PDE8B: variants seen among roughly 807,000 people sequenced by gnomAD.
PDE8B encodes phosphodiesterase 8B.
In PDE8B, 26 loss-of-function variants were observed where a neutral mutation model predicts 101.3. That is an observed-to-expected ratio of 0.26 (90% CI 0.19 to 0.36). PDE8B has a LOEUF of 0.36. Among genes scored for constraint, PDE8B ranks in the 10% least tolerant of loss-of-function variants. The pLI is 1.00. For missense variants in PDE8B, 810 were observed against 1,163.1 expected (o/e 0.70, Z 4.42); for synonymous variants, 424 against 429.3 (o/e 0.99, Z 0.15).
At chr5:77,350,865 G>C (rs1191220358) in intron 8 of PDE8B, among the ~76,000 whole-genome samples, 200 bp from the exon 9 acceptor site, 2 of 152,208 alleles carry the variant, frequency 1.3e-5, no homozygotes, top group Non-Finnish European at 2.9e-5. Flanking sequence ...CAGACAACCT[G>C]GTGGTGGATA....
At chr5:77,252,434 A>G (rs1010831848) in intron 1 of PDE8B, among the ~76,000 whole-genome samples, 1 of 152,260 alleles carries the variant, frequency 6.6e-6, no homozygotes, top group Admixed American at 6.5e-5. Context: ...AGTGCTTACT[A>G]CATTGATAAC....
the PDE8B span, among the ~76,000 whole-genome samples, chr5:77,151,738 A>T: frequency 2.0e-5 from 3 of 152,318 alleles, no homozygotes; most frequent in African/African-American, 7.2e-5. Flanking sequence ...CAGACAGCTC[A>T]CTTCACCACC....
intron 21 of PDE8B, 160 bp from the exon 22 acceptor site, chr5:77,426,285 G>A (rs1013967445): frequency 6.0e-6 from 4 of 668,204 alleles, no homozygotes; most frequent in Non-Finnish European, 1.1e-5. Flanking sequence ...GGACCTGTTT[G>A]CATTTCAGAA....
chr5:77,325,429 A>G (rs1381065503), intron 2 of PDE8B, 110 bp from the exon 3 acceptor site: 1 of 994,012 alleles, frequency 1.0e-6, no homozygotes, highest in African/African-American at 1.6e-5. Flanking sequence ...TCAGCCTCCC[A>G]AAGAGCTGGG....
intron 10 of PDE8B, among the ~76,000 whole-genome samples, chr5:77,373,103 ATTG>A (rs1785364536): frequency 1.3e-5 from 2 of 148,782 alleles, no homozygotes; most frequent in South Asian, 4.2e-4. Flanking sequence ...TCTCTTTTTT[ATTG>A]TTCTGTCTAG....
intron 10 of PDE8B, among the ~76,000 whole-genome samples, chr5:77,371,741 G>T (rs1252639941): frequency 1.3e-5 from 2 of 152,130 alleles, no homozygotes; most frequent in South Asian, 4.1e-4. Context: ...TGTTTGTTTG[G>T]ATCTTCTTTA....
chr5:77,399,962 A>G (rs572873140), intron 10 of PDE8B, among the ~76,000 whole-genome samples: 1 of 152,344 alleles, frequency 6.6e-6, no homozygotes, highest in East Asian at 1.9e-4. Context: ...TAGGCTGTCA[A>G]AATGAGACAG....
At chr5:77,135,655 T>G in the PDE8B span, among the ~76,000 whole-genome samples, 2 of 152,032 alleles carry the variant, frequency 1.3e-5, no homozygotes, top group African/African-American at 4.8e-5. Flanking sequence ...TTTTGTATTT[T>G]TAGTAGAGAT....
At position 77,409,011 on chromosome 5, in the gene PDE8B, A is replaced by G. The variant is rs763813020; in HGVS notation, c.1484A>G (p.Lys495Arg). The G allele has an allele frequency of 6.2e-7, 1 of 1,613,916 alleles. No homozygotes were observed. Among genetic ancestry groups the G allele is most frequent in the Non-Finnish European group, 8.5e-7 (1 of 1,179,756 alleles). The change falls in exon 14 of 22, where the codon AAA becomes AGA. Residue 495 changes from lysine (K) to arginine (R), a missense_variant. Physicochemically the swap from Lys to Arg is conservative, Grantham distance 26. Around this residue, in one of 4 missense-constraint regions of PDE8B, gnomAD observed 325 missense variants for 560.9 expected, o/e 0.58. Coordinates refer to ENST00000264917, the MANE Select transcript of PDE8B (RefSeq NM_003719.5). ...TELYSPQLGT[K>R]DEDPHTSDLV... is the part of the protein sequence containing the mutation. ...CTGTACTCCCCTCAGCTGGGTACCA[A>G]AGATGAAGATCCCCACACCAGTGAT...
intron 2 of PDE8B, among the ~76,000 whole-genome samples, chr5:77,317,982 G>A (rs1182248819): frequency 1.3e-5 from 2 of 150,146 alleles, no homozygotes; most frequent in African/African-American, 4.9e-5. Context: ...CTTGAACCTG[G>A]GAGGTGGAGG....
the PDE8B span, among the ~76,000 whole-genome samples, chr5:77,136,990 C>CACT: frequency 6.6e-6 from 1 of 152,126 alleles, no homozygotes; most frequent in Non-Finnish European, 1.5e-5. Flanking sequence ...AAAGCCTGGG[C>CACT]ACTAGTTTGA....
the PDE8B span, among the ~76,000 whole-genome samples, chr5:77,096,158 T>A: frequency 2.0e-5 from 3 of 152,026 alleles, no homozygotes; most frequent in Non-Finnish European, 4.4e-5. Flanking sequence ...CCCAGCGAAT[T>A]TTTGTATTTT....
intron 7 of PDE8B, 87 bp downstream of exon 7, chr5:77,345,018 A>C (rs962851185): frequency 1.9e-5 from 16 of 837,310 alleles, no homozygotes; most frequent in Non-Finnish European, 3.2e-5. Flanking sequence ...CTTTCCCATC[A>C]TCCTCATGTA....
the PDE8B span, among the ~76,000 whole-genome samples, chr5:77,101,094 C>T: frequency 6.7e-6 from 1 of 150,372 alleles, no homozygotes; most frequent in Non-Finnish European, 1.5e-5. Flanking sequence ...CTCAGCCTCC[C>T]TAGCAGGTGG....
intron 10 of PDE8B, among the ~76,000 whole-genome samples, chr5:77,374,288 G>A (rs1423588341): frequency 6.6e-6 from 1 of 152,058 alleles, no homozygotes; most frequent in Non-Finnish European, 1.5e-5. Flanking sequence ...TTTATGGAGA[G>A]TGTATAATTG....
the PDE8B span, among the ~76,000 whole-genome samples, chr5:77,094,588 G>A: frequency 1.3e-5 from 2 of 152,154 alleles, no homozygotes; most frequent in Non-Finnish European, 2.9e-5. Flanking sequence ...TTATAAGCAT[G>A]AGCCACTATG....
intron 2 of PDE8B, 39 bp downstream of exon 2, chr5:77,312,092 T>G (rs1772773471): frequency 6.8e-7 from 1 of 1,467,378 alleles, no homozygotes; most frequent in Non-Finnish European, 9.5e-7. Flanking sequence ...TCAGATTATT[T>G]TCTTTTTTTT....
chr5:77,272,175 G>A (rs1447009659), intron 1 of PDE8B, among the ~76,000 whole-genome samples: 1 of 152,192 alleles, frequency 6.6e-6, no homozygotes, highest in East Asian at 1.9e-4. Context: ...GAGGGTAGAG[G>A]GGAACAGCAA....
chr5:77,263,855 T>A (rs1006154162), intron 1 of PDE8B, among the ~76,000 whole-genome samples: 6 of 152,228 alleles, frequency 3.9e-5, no homozygotes, highest in Non-Finnish European at 8.8e-5. Flanking sequence ...TTAGAAGTTG[T>A]GCAACCATCA....
Sources: allele counts gnomAD v4.1 joint callset (sites outside exome capture counted in the v4.1 genomes callset), GRCh38; gene constraint gnomAD v4.1.1; regional missense constraint gnomAD v4.1.1; transcripts MANE v1.5; gene names NCBI Gene and HGNC (gene_info 2026-07-23, HGNC 2026-07-21).